Variants in LRRC73 observed in about 807,000 individuals in gnomAD.
LRRC73 encodes leucine rich repeat containing 73.
A neutral mutation model predicts 26.4 loss-of-function variants in LRRC73; 16 were observed. The ratio of observed to expected loss-of-function variants is 0.61; its 90% CI spans 0.41 to 0.92. The LOEUF (loss-of-function observed/expected upper bound fraction) is 0.92, where lower values mean the gene tolerates loss of function less well. Ranked by LOEUF, LRRC73 falls within the 40% of genes least tolerant of loss-of-function variation. The pLI is 0.00. For synonymous variants in LRRC73, 210 were observed against 179.8 expected, an observed-to-expected ratio of 1.17 and a Z score of -1.34; for missense variants, 344 against 416.3, an observed-to-expected ratio of 0.83 and a Z score of 1.51.
At chr6:43,509,913 AGGCGGCGGCTGT>A (rs1217177775) in exon 1 of LRRC73, 1 of 728,622 alleles carries the variant, frequency 1.4e-6, no homozygotes, top group Non-Finnish European at 1.9e-6. Context: ...CCGGGGGTGG[AGGCGGCGGCTGT>A]GGCGGAGGCT....
chr6:43,508,962 A>G (rs2127681487), intron 1 of LRRC73, 42 bp from the exon 2 acceptor site: 1 of 1,511,104 alleles, frequency 6.6e-7, no homozygotes, highest in East Asian at 2.4e-5. Context: ...AGTCCTCCGC[A>G]CTATCTACAT....
intron 3 of LRRC73, 23 bp from the exon 4 acceptor site, chr6:43,507,949 C>T (rs1051790560): frequency 6.3e-7 from 1 of 1,579,576 alleles, no homozygotes; most frequent in African/African-American, 1.3e-5. Flanking sequence ...CACACGTGCA[C>T]ACATTCATAC....
At chr6:43,507,296 T>C in exon 6 of LRRC73, 4 of 1,613,962 alleles carry the variant, frequency 2.5e-6, no homozygotes, top group Non-Finnish European at 3.4e-6. Flanking sequence ...TAGCACCATC[T>C]GAGAGCTGGG....
intron 4 of LRRC73, 57 bp downstream of exon 4, chr6:43,507,769 A>C: frequency 6.3e-7 from 1 of 1,593,074 alleles, no homozygotes; most frequent in Non-Finnish European, 8.6e-7. Flanking sequence ...GTCATCAGAC[A>C]CATAAACTAA....
chr6:43,509,393 A>ATG (rs1360755288), intron 1 of LRRC73, 121 bp downstream of exon 1: 3 of 1,245,694 alleles, frequency 2.4e-6, no homozygotes, highest in African/African-American at 3.0e-5. Flanking sequence ...GGCACGGTGT[A>ATG]TGTGCATAAG....
At chr6:43,507,190 G>A in exon 6 of LRRC73, 1 of 1,599,104 alleles carries the variant, frequency 6.3e-7, no homozygotes, top group Non-Finnish European at 8.6e-7. Flanking sequence ...GGGGCAAGGT[G>A]CTCGGGACAT....
At chr6:43,510,073 TC>T (rs1278087672) in exon 1 of LRRC73, 1 of 242,662 alleles carries the variant, frequency 4.1e-6, no homozygotes, top group Non-Finnish European at 7.8e-6. Context: ...GCCCGCACGG[TC>T]CGTGTCTGGG....
intron 2 of LRRC73, 86 bp from the exon 3 acceptor site, chr6:43,508,506 G>A (rs1362797999): frequency 1.9e-5 from 30 of 1,582,632 alleles, no homozygotes; most frequent in East Asian, 6.8e-5. Flanking sequence ...TCTCTGGGGT[G>A]TCCCTAGTGG....
At chr6:43,508,710 A>AT in intron 2 of LRRC73, 50 bp downstream of exon 2, 1 of 1,547,270 alleles carries the variant, frequency 6.5e-7, no homozygotes, top group Non-Finnish European at 8.7e-7. Context: ...CTGCATTTCG[A>AT]TTTTCATCAC....
chr6:43,508,721 T>C (rs972351404), intron 2 of LRRC73, 39 bp downstream of exon 2: 1 of 1,560,606 alleles, frequency 6.4e-7, no homozygotes. Context: ...TTTTCATCAC[T>C]GCCACACTAG....
chr6:43,509,051 G>A (rs1353882206), intron 1 of LRRC73, 131 bp from the exon 2 acceptor site: 4 of 924,498 alleles, frequency 4.3e-6, no homozygotes, highest in Non-Finnish European at 6.1e-6. Context: ...TGGAAAAGGA[G>A]AAGGAAAGTT....
exon 1 of LRRC73, chr6:43,509,714 G>A: frequency 6.3e-7 from 1 of 1,591,580 alleles, no homozygotes; most frequent in East Asian, 2.2e-5. Context: ...TGTCGCGAAG[G>A]CCGCGGCAGA....
At chr6:43,509,438 G>T in intron 1 of LRRC73, 76 bp downstream of exon 1, 1 of 1,492,276 alleles carries the variant, frequency 6.7e-7, no homozygotes. Context: ...GAAGGAGTGT[G>T]GAGGAACAGG....
At chr6:43,507,174 A>G (rs2282412) in exon 6 of LRRC73, 57,037 of 1,568,852 alleles carry the variant, frequency 0.036, 2,928 homozygotes, top group East Asian at 0.25. Flanking sequence ...CCTGACCCTG[A>G]TATCTGGGGC....
chr6:43,507,998 CT>C (rs1199524614), intron 3 of LRRC73, 72 bp from the exon 4 acceptor site: 41 of 1,340,748 alleles, frequency 3.1e-5, no homozygotes, highest in Non-Finnish European at 3.9e-5. Context: ...TCCCCATTGC[CT>C]TAACAACTTT....
chr6:43,508,431 T>A lies in LRRC73; in HGVS notation c.434-11A>T. ...TTAGCTCCTTCAAGCCTGGGCAGCA[T>A]CATAGCAAGAAACCAGAATAGGGAG... On this transcript the variant is annotated splice_polypyrimidine_tract_variant and intron_variant, in intron 2 of 5. Transcript: ENST00000372441. The A allele has an allele frequency of 6.2e-7, 1 of 1,613,412 alleles. No individual in the cohort carries two copies.
chr6:43,507,138 C>T (rs1047983374), exon 6 of LRRC73: 63 of 1,296,770 alleles, frequency 4.9e-5, no homozygotes, highest in South Asian at 6.4e-5. Context: ...CAGCCCCTGA[C>T]CCCAGTTCCC....
exon 1 of LRRC73, chr6:43,509,815 G>A (rs1387674682): frequency 1.4e-6 from 2 of 1,477,066 alleles, no homozygotes; most frequent in South Asian, 1.4e-5. Flanking sequence ...CCGGGTACGG[G>A]GCCGGAACGG....
Position 43,507,468 on chromosome 6 carries a change from T to A in LRRC73, c.868A>T (p.Met290Leu), listed in dbSNP as rs576025527. 131 of 1,612,906 alleles carry A rather than the reference T, an allele frequency of 8.1e-5. 1 individual carries two copies. In the South Asian group the frequency reaches 1.3e-3, roughly 16 times the overall value. Residue 290 changes from methionine to leucine, a missense_variant, in exon 5 of 6, where the codon ATG becomes TTG. Coordinates refer to ENST00000372441, the Ensembl canonical transcript of LRRC73. ...TCTGGGTTCTTACCGCTGGGGCACA[T>A]CCAGGAGCTGCTGCCTCTCTGGTGG...
Sources: gnomAD v4.1 joint callset for allele counts on GRCh38, gnomAD v4.1.1 for gene constraint, MANE v1.5 for transcripts, NCBI Gene and HGNC (gene_info 2026-07-23, HGNC 2026-07-21) for gene names.